Variants in FCHO1 observed in about 807,000 individuals in gnomAD.
FCHO1 encodes F-BAR domain only protein 1.
Under a neutral mutation model 114.4 loss-of-function variants are expected in FCHO1, and 45 were observed. That is an observed-to-expected ratio of 0.39 (90% confidence interval 0.31 to 0.50). The LOEUF (loss-of-function observed/expected upper bound fraction) is 0.50, where lower values mean the gene tolerates loss of function less well. Ranked by LOEUF, FCHO1 falls within the 20% of genes least tolerant of loss-of-function variation. The pLI, the probability that FCHO1 is intolerant of heterozygous loss-of-function variation, is 0.77. For missense variants in FCHO1, 1,042 were observed against 1,209.6 expected, an observed-to-expected ratio of 0.86 and a Z score of 2.06; for synonymous variants, 480 against 488.9, an observed-to-expected ratio of 0.98 and a Z score of 0.24.
At chr19:17,783,911 C>T (rs1193264091) in intron 24 of FCHO1, among the ~76,000 whole-genome samples, 192 bp from the exon 25 acceptor site, 1 of 152,198 alleles carries the variant, frequency 6.6e-6, no homozygotes, top group Non-Finnish European at 1.5e-5. Context: ...TGGCGTGGGG[C>T]AAGTAACTTG....
At chr19:17,770,732 C>T in intron 8 of FCHO1, 60 bp from the exon 9 acceptor site, 4 of 1,598,074 alleles carry the variant, frequency 2.5e-6, no homozygotes, top group Non-Finnish European at 3.4e-6. Flanking sequence ...GGTGATGGGG[C>T]CTGGGGGAGG....
In FCHO1 at chr19:17,781,248, G is replaced by A. The variant is rs1469881600; in HGVS notation, c.1645G>A (p.Ala549Thr). 1.2e-6 allele frequency: 2 copies of A among 1,613,390 alleles called. No individual in the cohort carries two copies. Among genetic ancestry groups the A allele is most frequent in the Non-Finnish European group, 1.7e-6 (2 of 1,179,616 alleles). Residue 549 changes from alanine to threonine, a missense_variant, in exon 21 of 29, where the codon GCT (alanine) becomes ACT (threonine). This residue lies in a region of FCHO1 where 455 missense variants were observed against 455.4 expected (regional missense o/e 1.00). Transcript: ENST00000596536. Reference sequence around the variant, plus strand: ...GCTCCTAGACCTGATGCCTGCACCTGCTGACCCCACAGCCAGGGAGGGCCT... The same window carrying A: ...GCTCCTAGACCTGATGCCTGCACCTACTGACCCCACAGCCAGGGAGGGCCT... ...LAGGDLMPAP[A>T]DPTAREGLAA...
At chr19:17,774,152 G>T in intron 11 of FCHO1, 87 bp from the exon 12 acceptor site, 9 of 1,273,822 alleles carry the variant, frequency 7.1e-6, no homozygotes, top group Non-Finnish European at 8.0e-6. Context: ...CAGGTGATCC[G>T]CCCGCCTTAG....
chr19:17,780,895 A>C (rs1039753664), intron 20 of FCHO1, among the ~76,000 whole-genome samples: 11 of 152,212 alleles, frequency 7.2e-5, no homozygotes, highest in African/African-American at 2.7e-4. Flanking sequence ...GAAAGGGTAG[A>C]GGTCACAAAA....
At chr19:17,762,449 G>C (rs895506617) in intron 4 of FCHO1, among the ~76,000 whole-genome samples, 8 of 152,142 alleles carry the variant, frequency 5.3e-5, no homozygotes, top group Non-Finnish European at 1.2e-4. Flanking sequence ...AGAAACGGCA[G>C]AGAGACTCAG....
At chr19:17,748,677 G>C (rs981625632), upstream of FCHO1, among the ~76,000 whole-genome samples, 2 of 152,198 alleles carry the variant, frequency 1.3e-5, no homozygotes, top group Non-Finnish European at 2.9e-5. Context: ...GATCCCCCGA[G>C]TCACCTGCCC....
chr19:17,772,684 G>T lies in FCHO1; in HGVS notation c.733G>T (p.Val245Leu). The change falls in exon 11 of 29, where the codon GTG (valine) becomes TTG (leucine). Residue 245 changes from valine to leucine, a missense_variant. This residue lies in a region of FCHO1 where 450 missense variants were observed against 564.1 expected (regional missense o/e 0.80). Transcript: ENST00000596536. ...TAAGCAGAACATCGAGAACGTCAGCGTGGAGATGCTACTCAGGAAGTTTGC... is the reference window on the plus strand; with the variant it reads ...TAAGCAGAACATCGAGAACGTCAGCTTGGAGATGCTACTCAGGAAGTTTGC... ...EFKQNIENVS[V>L]EMLLRKFAES... The T allele has an allele frequency of 4.3e-6, 7 of 1,614,170 alleles. No individual in the cohort carries two copies. Among genetic ancestry groups the T allele is most frequent in the Non-Finnish European group, 5.9e-6 (7 of 1,180,032 alleles).
chr19:17,777,618 G>A (rs1274799792), intron 18 of FCHO1, among the ~76,000 whole-genome samples: 2 of 151,068 alleles, frequency 1.3e-5, no homozygotes, highest in Admixed American at 1.3e-4. Context: ...AACTAAAGCA[G>A]ATGACGCGAA....
Position 17,784,741 on chromosome 19 carries a change from C to A in FCHO1, c.2243C>A (p.Pro748His), listed in dbSNP as rs759802709. Residue 748 changes from proline to histidine, a missense_variant, in exon 26 of 29, where the codon CCC (proline) becomes CAC (histidine). Pro to His is a moderately conservative substitution (Grantham distance 77). Around this residue, in one of 3 missense-constraint regions of FCHO1, gnomAD observed 455 missense variants for 455.4 expected, o/e 1.00. Transcript: ENST00000596536. The surrounding 1 kb of genome is among the most constrained non-coding windows in gnomAD (Gnocchi z 5.3). Reference sequence around the variant, plus strand: ...TCTTCCTAGTTCTCCCGCCCGGGTCCCCAGTCTGTGCCTCTGCAGCTCAGT... The same window carrying A: ...TCTTCCTAGTTCTCCCGCCCGGGTCACCAGTCTGTGCCTCTGCAGCTCAGT... ...LLRYQFSRPG[P>H]QSVPLQLSAH... The A allele has an allele frequency of 6.2e-7, 1 of 1,614,084 alleles. No individual in the cohort carries two copies. The highest frequency in any genetic ancestry group is 8.5e-7 in the Non-Finnish European group (1 of 1,180,028).
rs1486714507 is a variant in FCHO1, at chr19:17,756,244, C to T, written c.27+1053C>T. 2.6e-5 allele frequency among the ~76,000 whole-genome samples: 4 copies of T among 152,322 alleles called. No homozygotes were observed. In the East Asian group the frequency reaches 7.7e-4, roughly 29 times the overall value. On this transcript the variant is annotated intron_variant, in intron 4 of 28. Coordinates refer to ENST00000596536, the MANE Select transcript of FCHO1 (RefSeq NM_015122.3). The stretch of plus-strand genomic sequence containing the variant: ...AGGGGTGTGACCTCCGCCCTCTCTC[C>T]AAAGGTCAGACTCCCCGATTTGCCC...
At chr19:17,765,306 G>T (rs1043343237) in intron 6 of FCHO1, among the ~76,000 whole-genome samples, 11 of 152,132 alleles carry the variant, frequency 7.2e-5, no homozygotes, top group Admixed American at 3.9e-4. Context: ...CAGGGCTTGG[G>T]CAACGTGGAA....
At position 17,774,291 on chromosome 19, in the gene FCHO1, C is replaced by T. The variant is rs376536357; in HGVS notation, c.835+8C>T. 4.8e-5 allele frequency: 78 copies of T among 1,613,932 alleles called. No individual in the cohort carries two copies. Among genetic ancestry groups the T allele is most frequent in the Middle Eastern group, 1.6e-4 (1 of 6,084 alleles). On this transcript the variant is annotated splice_region_variant and intron_variant, in intron 12 of 28. Coordinates refer to ENST00000596536, the MANE Select transcript of FCHO1 (RefSeq NM_015122.3). ...CGGCTGCCCTGCAGGAAGGCAAGTA[C>T]GTCTGGGCCTGGATGCCCAGGCTGG... is the stretch of plus-strand genomic sequence containing the variant.
Position 17,770,785 on chromosome 19 carries a change from T to A in FCHO1, c.490-7T>A, listed in dbSNP as rs754058684. On this transcript the variant is annotated splice_polypyrimidine_tract_variant and splice_region_variant and intron_variant, in intron 8 of 28. Coordinates refer to ENST00000596536, the MANE Select transcript of FCHO1 (RefSeq NM_015122.3). ...TCCCATCCCCGTTTCCTCCCTGTGC[T>A]TTGTAGGCGGAGACTAAAACCAAGA... is the stretch of plus-strand genomic sequence containing the variant. 1 of 1,613,888 alleles carries A rather than the reference T, an allele frequency of 6.2e-7. No homozygotes were observed. Among genetic ancestry groups the A allele is most frequent in the African/African-American group, 1.3e-5 (1 of 74,932 alleles).
rs2092692025 is a variant in FCHO1, at chr19:17,776,813, GT to G, written c.1259+132del. On this transcript the variant is annotated intron_variant, in intron 18 of 28. Coordinates refer to ENST00000596536, the MANE Select transcript of FCHO1 (RefSeq NM_015122.3). This position sits in a 1 kb window ranked among gnomAD's most constrained non-coding sequence, Gnocchi z 4.4. ...GTCATGCTGGGGTTTTTTTGTTTTT[GT>G]TTTTGTTTTGAGACAGAGTCTCACT... 3 of 913,886 alleles carry G rather than the reference GT, an allele frequency of 3.3e-6. No homozygotes were observed. Among genetic ancestry groups the G allele is most frequent in the Non-Finnish European group, 5.0e-6 (3 of 602,102 alleles). 56.6% of individuals were successfully genotyped at this position (913,886 alleles called of 1,614,324 possible).
chr19:17,776,860 C>T lies in FCHO1; in HGVS notation c.1259+174C>T, dbSNP rs915412104. 6.6e-6 allele frequency among the ~76,000 whole-genome samples: 1 copy of T among 152,008 alleles called. No individual in the cohort carries two copies. The highest frequency in any genetic ancestry group is 1.5e-5 in the Non-Finnish European group (1 of 67,984). Reference sequence around the variant, plus strand: ...TCACTCTGTCACCCAGGCTGGAGTGCGATTTCAGCTCACTGCAACCTCCAC... The same window carrying T: ...TCACTCTGTCACCCAGGCTGGAGTGTGATTTCAGCTCACTGCAACCTCCAC... On this transcript the variant is annotated intron_variant, in intron 18 of 28. Transcript: ENST00000596536. This position sits in a 1 kb window ranked among gnomAD's most constrained non-coding sequence, Gnocchi z 4.4.
chr19:17,750,692 C>G (rs2081668164), upstream of FCHO1, among the ~76,000 whole-genome samples: 1 of 152,002 alleles, frequency 6.6e-6, no homozygotes, highest in African/African-American at 2.4e-5. Flanking sequence ...CTCCTGGGCT[C>G]AAGCAATCCA....
chr19:17,763,650 C>T (rs12984475), intron 5 of FCHO1, among the ~76,000 whole-genome samples: 30,230 of 148,704 alleles, frequency 0.2, 3,962 homozygotes, highest in Non-Finnish European at 0.28. Flanking sequence ...CTCGACCTAC[C>T]GGGCCCAAGC....
chr19:17,757,489 CTGT>C lies in FCHO1; in HGVS notation c.27+2305_27+2307del, dbSNP rs528474707. 1.3e-3 allele frequency among the ~76,000 whole-genome samples: 191 copies of C among 152,272 alleles called. 1 individual carries two copies. The highest frequency in any genetic ancestry group is 9.5e-3 in the South Asian group (46 of 4,822). ...CAGCAAGACCCTTGGGAGTTGGGTG[CTGT>C]TGTTGTCCCCATTTGTCACACAAGG... On this transcript the variant is annotated intron_variant, in intron 4 of 28. Transcript: ENST00000596536.
intron 20 of FCHO1, 83 bp downstream of exon 20, chr19:17,778,967 G>C: frequency 7.3e-7 from 1 of 1,374,814 alleles, no homozygotes; most frequent in Non-Finnish European, 9.6e-7. Context: ...GGCCTGATCA[G>C]GCTGCTGGAG....
Sources: gnomAD v4.1 joint callset for allele counts (sites outside exome capture counted in the v4.1 genomes callset) on GRCh38, gnomAD v4.1.1 for gene constraint, gnomAD v4.1.1 regional missense constraint, Gnocchi (gnomAD v3.1) non-coding constraint, MANE v1.5 for transcripts, NCBI Gene and HGNC (gene_info 2026-07-23, HGNC 2026-07-21) for gene names.